Variants in TNNI3K observed in about 807,000 individuals in gnomAD.
TNNI3K encodes the protein TNNI3 interacting kinase.
In TNNI3K, 140 loss-of-function variants were observed where a neutral mutation model predicts 114.5. The observed-to-expected ratio is 1.22, with a 90% CI of 1.07 to 1.41. The LOEUF is 1.41. TNNI3K is among the 40% of genes most tolerant of loss of function. TNNI3K has a pLI of 0.00. For missense variants in TNNI3K, 1,125 were observed against 1,007.6 expected (o/e 1.12, Z -1.58); for synonymous variants, 347 against 347.5 (o/e 1.00, Z 0.02).
chr1:74,253,279 G>C (rs1655059879), intron 4 of TNNI3K, among the ~76,000 whole-genome samples: 1 of 152,186 alleles, frequency 6.6e-6, no homozygotes, highest in Admixed American at 6.5e-5. Context: ...GCTTCACCCA[G>C]TGGATCCCGC....
chr1:74,273,316 T>G lies in TNNI3K; in HGVS notation c.444+1608T>G, dbSNP rs139832790. 2.1e-4 allele frequency among the ~76,000 whole-genome samples: 32 copies of G among 152,000 alleles called. No individual in the cohort carries two copies. The East Asian group carries it at 5.8e-3, about 28-fold the overall frequency. On this transcript the variant is annotated intron_variant, in intron 5 of 24. Coordinates refer to ENST00000326637, the MANE Select transcript of TNNI3K (RefSeq NM_015978.3). ...AATATAGGTGAGTTTGTGTTACTTA[T>G]GAGGAAAGGGGAAATTCCATTAGAT...
At position 74,359,597 on chromosome 1, in the gene TNNI3K, G is replaced by C. The variant is rs746852452; in HGVS notation, c.1177+5468G>C. ...CTCAGAACTGAAGCAAAATAAAGGAGATTTTGAAAATAACTAATCAAAATA... is the reference window on the plus strand; with the variant it reads ...CTCAGAACTGAAGCAAAATAAAGGACATTTTGAAAATAACTAATCAAAATA... On this transcript the variant is annotated intron_variant, in intron 11 of 24. Coordinates refer to ENST00000326637, the MANE Select transcript of TNNI3K (RefSeq NM_015978.3). Among the ~76,000 whole-genome samples the C allele has an allele frequency of 1.3e-4, 20 of 151,930 alleles. No homozygotes were observed. The South Asian group carries it at 1.4e-3, about 11-fold the overall frequency.
intron 17 of TNNI3K, among the ~76,000 whole-genome samples, chr1:74,419,921 A>G (rs1233526962): frequency 6.6e-6 from 1 of 152,136 alleles, no homozygotes; most frequent in Non-Finnish European, 1.5e-5. Context: ...TTGTATTCAC[A>G]GATTTCATAA....
intron 20 of TNNI3K, among the ~76,000 whole-genome samples, chr1:74,457,349 T>G (rs777077965): frequency 1.3e-5 from 2 of 152,226 alleles, no homozygotes; most frequent in East Asian, 1.9e-4. Context: ...TCTGACAGTA[T>G]GTAATGAGAA....
At chr1:74,477,174 A>T (rs1668245900) in intron 21 of TNNI3K, among the ~76,000 whole-genome samples, 1 of 152,154 alleles carries the variant, frequency 6.6e-6, no homozygotes. Context: ...AGAATATATT[A>T]AAAAATTAAA....
chr1:74,238,074 G>C (rs9970514), intron 2 of TNNI3K, among the ~76,000 whole-genome samples: 48,054 of 151,698 alleles, frequency 0.32, 8,477 homozygotes, highest in Middle Eastern at 0.44. Flanking sequence ...TTGATTTTTG[G>C]AATCATTGTA....
At chr1:74,449,441 G>T (rs897917864) in intron 20 of TNNI3K, among the ~76,000 whole-genome samples, 1 of 151,948 alleles carries the variant, frequency 6.6e-6, no homozygotes, top group Non-Finnish European at 1.5e-5. Flanking sequence ...TTTTTTGAAT[G>T]GTTTTTTGTG....
chr1:74,384,995 A>AAT (rs1317145988), intron 17 of TNNI3K, among the ~76,000 whole-genome samples: 2 of 152,064 alleles, frequency 1.3e-5, no homozygotes, highest in East Asian at 3.9e-4. Context: ...AACTTATTTT[A>AAT]ATTTATCTAA....
chr1:74,453,126 T>A (rs2100702231), intron 20 of TNNI3K, among the ~76,000 whole-genome samples: 2 of 152,232 alleles, frequency 1.3e-5, no homozygotes, highest in East Asian at 3.9e-4. Flanking sequence ...ACTAAATACT[T>A]AAAAAAGGTA....
chr1:74,289,653 T>A (rs1477507220), intron 5 of TNNI3K, among the ~76,000 whole-genome samples: 1 of 151,974 alleles, frequency 6.6e-6, no homozygotes, highest in Non-Finnish European at 1.5e-5. Flanking sequence ...ATTGATAGCA[T>A]GGAAATACTT....
chr1:74,448,260 TAAAAAAAAAAA>T (rs71588834), intron 20 of TNNI3K, among the ~76,000 whole-genome samples: 5 of 89,138 alleles, frequency 5.6e-5, no homozygotes, highest in South Asian at 4.1e-4. Flanking sequence ...TAGAGTATAA[TAAAAAAAAAAA>T]AAAAAAAAAA....
chr1:74,304,302 A>AG (rs1658496309), intron 5 of TNNI3K, among the ~76,000 whole-genome samples: 1 of 152,206 alleles, frequency 6.6e-6, no homozygotes, highest in African/African-American at 2.4e-5. Context: ...AAGTTTCCAA[A>AG]GCCATTCCAA....
intron 20 of TNNI3K, among the ~76,000 whole-genome samples, chr1:74,442,468 A>G (rs1285015814): frequency 6.6e-6 from 1 of 152,084 alleles, no homozygotes; most frequent in Non-Finnish European, 1.5e-5. Context: ...TATAAATTTT[A>G]GAATCAGCTT....
chr1:74,351,771 CT>C (rs1312210434), intron 9 of TNNI3K, among the ~76,000 whole-genome samples: 1 of 152,216 alleles, frequency 6.6e-6, no homozygotes, highest in East Asian at 1.9e-4. Context: ...GTTACTGAGG[CT>C]TGTGCATTCG....
Position 74,271,661 on chromosome 1 carries a change from G to C in TNNI3K, c.397G>C (p.Gly133Arg). 1 of 1,609,146 alleles carries C rather than the reference G, an allele frequency of 6.2e-7. No homozygotes were observed. The highest frequency in any genetic ancestry group is 8.5e-7 in the Non-Finnish European group (1 of 1,177,062). The change falls in exon 5 of 25, where the codon GGT becomes CGT. Residue 133 changes from glycine (G) to arginine (R), a missense_variant. Coordinates refer to ENST00000326637, the MANE Select transcript of TNNI3K (RefSeq NM_015978.3). ...AGCTGATATACAGCAGGTTGGATAC[G>C]GTGGCCTCACTGCCCTCCATATTGC... Reference protein sequence around the residue: ...SGADIQQVGYGGLTALHIATI... With the variant: ...SGADIQQVGYRGLTALHIATI...
chr1:74,426,145 G>A (rs192805429), intron 17 of TNNI3K, among the ~76,000 whole-genome samples: 3 of 152,206 alleles, frequency 2.0e-5, no homozygotes, highest in East Asian at 3.9e-4. Context: ...AGGGGAGATG[G>A]AGATACCATA....
At chr1:74,397,382 A>G (rs1185035617) in intron 17 of TNNI3K, among the ~76,000 whole-genome samples, 3 of 152,166 alleles carry the variant, frequency 2.0e-5, no homozygotes, top group Non-Finnish European at 1.5e-5. Context: ...CAAAAGTACA[A>G]GTAAGCAGTA....
intron 17 of TNNI3K, among the ~76,000 whole-genome samples, chr1:74,426,505 A>G (rs945063765): frequency 9.9e-5 from 15 of 151,954 alleles, no homozygotes; most frequent in African/African-American, 3.6e-4. Flanking sequence ...TGCTTGACAC[A>G]TGTACACCTA....
chr1:74,417,270 G>A (rs955194503), intron 17 of TNNI3K, among the ~76,000 whole-genome samples: 30 of 152,056 alleles, frequency 2.0e-4, no homozygotes, highest in African/African-American at 3.9e-4. Flanking sequence ...ATTGACTGCC[G>A]TGTTGGCTAT....
Sources: allele counts gnomAD v4.1 joint callset (sites outside exome capture counted in the v4.1 genomes callset), GRCh38; gene constraint gnomAD v4.1.1; transcripts MANE v1.5; gene names NCBI Gene and HGNC (gene_info 2026-07-23, HGNC 2026-07-21).